The following ANO8 variants were observed in gnomAD, a reference collection of about 807,000 sequenced individuals.
ANO8 encodes the protein anoctamin-8.
ANO8 carries 67 observed loss-of-function variants against 120.4 expected under a neutral mutation model. That is an observed-to-expected ratio of 0.56 (90% confidence interval 0.46 to 0.68). ANO8 has a LOEUF of 0.68. Among genes scored for constraint, ANO8 ranks in the 30% least tolerant of loss-of-function variants. The pLI is 0.00. For missense variants in ANO8, 1,526 were observed against 1,737.6 expected (o/e 0.88, Z 2.16); for synonymous variants, 727 against 759.2 (o/e 0.96, Z 0.70).
intron 12 of ANO8, chr19:17,329,198 C>T (rs2074298702): frequency 2.1e-6 from 1 of 479,278 alleles, no homozygotes; most frequent in Non-Finnish European, 3.7e-6. Context: ...TCCTCGCCCA[C>T]CTCACGGGCA....
Position 17,327,581 on chromosome 19 carries a change from C to T in ANO8, c.2419-12G>A. The T allele has an allele frequency of 6.2e-7, 1 of 1,613,062 alleles. No homozygotes were observed. On this transcript the variant is annotated splice_polypyrimidine_tract_variant and intron_variant, in intron 14 of 17. Transcript: ENST00000159087. Reference sequence around the variant, plus strand: ...GCCTCCATCACCTTCTGCAGGGCGGCAGGAGGGCTCAGGCGGGGTCCAGCC... The same window carrying T: ...GCCTCCATCACCTTCTGCAGGGCGGTAGGAGGGCTCAGGCGGGGTCCAGCC...
intron 7 of ANO8, 38 bp from the exon 8 acceptor site, chr19:17,331,027 C>T: frequency 6.2e-7 from 1 of 1,613,790 alleles, no homozygotes; most frequent in Non-Finnish European, 8.5e-7. Context: ...ATTGTTTGTG[C>T]CAGTCCAGAA....
At chr19:17,332,820 A>C in intron 5 of ANO8, 110 bp downstream of exon 5, 1 of 1,259,732 alleles carries the variant, frequency 7.9e-7, no homozygotes, top group Non-Finnish European at 1.1e-6. Context: ...ACTCTTTGCC[A>C]ACCCCTGACT....
chr19:17,328,416 C>T lies in ANO8; in HGVS notation c.1972G>A (p.Glu658Lys), dbSNP rs1332192669. 3 of 1,575,448 alleles carry T rather than the reference C, an allele frequency of 1.9e-6. No homozygotes were observed. The highest frequency in any genetic ancestry group is 1.3e-5 in the African/African-American group (1 of 74,358). Residue 658 changes from glutamate (E) to lysine (K), a missense_variant, in exon 13 of 18, where the codon GAG (glutamate) becomes AAG (lysine). By Grantham distance (56) the Glu-to-Lys change is moderately conservative (BLOSUM62 1). Coordinates refer to ENST00000159087, the MANE Select transcript of ANO8 (RefSeq NM_020959.3). Reference protein sequence around the residue: ...GLEPGVFTLAEEDDEAEGAPG... With the variant: ...GLEPGVFTLAKEDDEAEGAPG... ...GCCCCCTCCGCCTCGTCGTCCTCCTCGGCCAGGGTGAACACTCCCGGCTCC... is the reference window on the plus strand; with the variant it reads ...GCCCCCTCCGCCTCGTCGTCCTCCTTGGCCAGGGTGAACACTCCCGGCTCC...
In ANO8 at chr19:17,334,549, G is replaced by A. The variant is rs1437922134; in HGVS notation, c.106+16C>T. On this transcript the variant is annotated intron_variant, in intron 1 of 17. Coordinates refer to ENST00000159087, the MANE Select transcript of ANO8 (RefSeq NM_020959.3). ...GGCACCTGCAACCCTGTCTGGTCCA[G>A]CCGCCGCACACATACCCAGAACTCC... 1 of 1,540,478 alleles carries A rather than the reference G, an allele frequency of 6.5e-7. No homozygotes were observed. The highest frequency in any genetic ancestry group is 1.2e-5 in the South Asian group (1 of 84,844).
chr19:17,328,302 C>T lies in ANO8; in HGVS notation c.2086G>A (p.Asp696Asn), dbSNP rs1218518469. Residue 696 changes from aspartate (D) to asparagine (N), a missense_variant, in exon 13 of 18, where the codon GAC (aspartate) becomes AAC (asparagine). By Grantham distance (23) the Asp-to-Asn change is conservative. Transcript: ENST00000159087. The part of the protein sequence containing the change: ...GRDQGPDGGP[D>N]PEPGSNSDST... ...TCGCTGTTGGAGCCGGGTTCCGGGT[C>T]CGGGCCCCCGTCGGGCCCCTGGTCT... 5 of 1,602,102 alleles carry T rather than the reference C, an allele frequency of 3.1e-6. No individual in the cohort carries two copies. The East Asian group carries it at 1.1e-4, about 36-fold the overall frequency.
chr19:17,332,909 T>C (rs1176085623), intron 5 of ANO8, 21 bp downstream of exon 5: 6 of 1,613,096 alleles, frequency 3.7e-6, no homozygotes, highest in African/African-American at 1.3e-5. Flanking sequence ...CTGTGATTGG[T>C]GTTGACCCCG....
Position 17,330,371 on chromosome 19 carries a change from A to G in ANO8, c.1127T>C (p.Leu376Pro). The G allele has an allele frequency of 6.3e-7, 1 of 1,596,610 alleles. No homozygotes were observed. Among genetic ancestry groups the G allele is most frequent in the Non-Finnish European group, 8.5e-7 (1 of 1,171,288 alleles). Residue 376 changes from leucine (L) to proline (P), a missense_variant, in exon 9 of 18, where the codon CTT becomes CCT. Leu to Pro is a moderately conservative substitution (Grantham distance 98). Around this residue, in one of 8 missense-constraint regions of ANO8, gnomAD observed 91 missense variants for 85.3 expected, o/e 1.07. Coordinates refer to ENST00000159087, the MANE Select transcript of ANO8 (RefSeq NM_020959.3). ...GGTCACCTGCAGCTGGAAGCAGCCA[A>G]GCATGAGCAAGAAGACACAGACGAG... is the stretch of plus-strand genomic sequence containing the variant. ...ACLVCVFLLM[L>P]GCFQLQELVL...
rs953096052 is a variant in ANO8, at chr19:17,330,313, G to A, written c.1146+39C>T. 8.7e-6 allele frequency: 14 copies of A among 1,612,294 alleles called. No homozygotes were observed. In the South Asian group the frequency reaches 1.1e-4, roughly 13 times the overall value. The stretch of plus-strand genomic sequence containing the variant: ...CAGGGCTCAGCCCAAGGTGGAGCTA[G>A]GTACCAAGGACAGGGCGGGTGAGGG... On this transcript the variant is annotated intron_variant, in intron 9 of 17. Coordinates refer to ENST00000159087, the MANE Select transcript of ANO8 (RefSeq NM_020959.3).
At position 17,328,547 on chromosome 19, in the gene ANO8, A is replaced by T. The variant is rs539903863; in HGVS notation, c.1841T>A (p.Leu614Gln). ...GCGCTCAGCGAAGCTGACCTTCTTC[A>T]GCCGGAGCCCGCAGTCCAGGAGGCC... is the stretch of plus-strand genomic sequence containing the variant. ...EGGLLDCGLRLKKVSFAERGA... is the reference protein window; with the variant it reads ...EGGLLDCGLRQKKVSFAERGA... The change falls in exon 13 of 18, where the codon CTG becomes CAG. Residue 614 changes from leucine (L) to glutamine (Q), a missense_variant. Physicochemically the swap from Leu to Gln is moderately radical, Grantham distance 113. This residue lies in a region of ANO8 where 467 missense variants were observed against 425.8 expected (regional missense o/e 1.10). Transcript: ENST00000159087. The T allele has an allele frequency of 6.5e-7, 1 of 1,548,524 alleles. No individual in the cohort carries two copies. Among genetic ancestry groups the T allele is most frequent in the Admixed American group, 2.0e-5 (1 of 51,060 alleles).
rs747949254 is a variant in ANO8, at chr19:17,333,850, C to T, written c.107-50G>A. 4 of 1,495,958 alleles carry T rather than the reference C, an allele frequency of 2.7e-6. No individual in the cohort carries two copies. Among genetic ancestry groups the T allele is most frequent in the African/African-American group, 1.4e-5 (1 of 71,926 alleles). The allele number at this position is 1,495,958 out of a possible 1,614,324, so 92.7% of individuals were successfully genotyped here. On this transcript the variant is annotated intron_variant, in intron 1 of 17. Coordinates refer to ENST00000159087, the MANE Select transcript of ANO8 (RefSeq NM_020959.3). The surrounding 1 kb of genome is among the most constrained non-coding windows in gnomAD (Gnocchi z 7.2). ...GGTCAGGCCACTCTGGGATCCGGAC[C>T]CGGCCTCCAGTCTTGGCTCCTCCTG...
intron 13 of ANO8, 41 bp downstream of exon 13, chr19:17,328,121 G>GGCGAGGCTCCGCCCCCT (rs1555724665): frequency 1.4e-6 from 2 of 1,436,458 alleles, no homozygotes; most frequent in Non-Finnish European, 1.9e-6. Flanking sequence ...TCCCGTCCCC[G>GGCGAGGCTCCGCCCCCT]GCGAGGCCCC....
At chr19:17,327,186 A>T in intron 16 of ANO8, 49 bp downstream of exon 16, 1 of 1,441,328 alleles carries the variant, frequency 6.9e-7, no homozygotes, top group East Asian at 2.5e-5. Context: ...TCAGAGATCC[A>T]CCAGCAGCCC....
In ANO8 at chr19:17,333,208, G is replaced by A. The variant is rs746597195; in HGVS notation, c.382C>T (p.Arg128Cys). ...LLRGADELGL[R>C]KAVKAEFGGG... is the part of the protein sequence containing the mutation. ...CCAAACTCGGCCTTCACTGCTTTGC[G>A]CAGACCCAGCTCGTCGGCCCCTCGG... Residue 128 changes from arginine to cysteine, a missense_variant, in exon 4 of 18, where the codon CGC becomes TGC. Physicochemically the swap from Arg to Cys is radical, Grantham distance 180 (BLOSUM62 -3). Transcript: ENST00000159087. The surrounding 1 kb of genome is among the most constrained non-coding windows in gnomAD (Gnocchi z 7.2). 2.5e-5 allele frequency: 40 copies of A among 1,610,330 alleles called. No homozygotes were observed. Among genetic ancestry groups the A allele is most frequent in the Middle Eastern group, 3.3e-4 (2 of 6,016 alleles).
intron 5 of ANO8, among the ~76,000 whole-genome samples, chr19:17,332,476 G>T (rs2074326424): frequency 6.6e-6 from 1 of 152,176 alleles, no homozygotes; most frequent in South Asian, 2.1e-4. Context: ...GTCGGAAGGT[G>T]AACTTGGGTG....
chr19:17,331,536 G>A, intron 5 of ANO8, 125 bp from the exon 6 acceptor site: 1 of 793,198 alleles, frequency 1.3e-6, no homozygotes, highest in Admixed American at 2.0e-5. Flanking sequence ...GCTCTTTCCA[G>A]GGGAGAAGTT....
rs1397914129 is a variant in ANO8 at position 17,324,774 on chromosome 19, C to G, written c.3274G>C (p.Val1092Leu). 6.4e-7 allele frequency: 1 copy of G among 1,557,650 alleles called. No individual in the cohort carries two copies. Among genetic ancestry groups the G allele is most frequent in the Non-Finnish European group, 8.7e-7 (1 of 1,152,802 alleles). The change falls in exon 17 of 18, where the codon GTG (valine) becomes CTG (leucine). Residue 1092 changes from valine to leucine, a missense_variant. Val to Leu is a conservative substitution (Grantham distance 32). Coordinates refer to ENST00000159087, the MANE Select transcript of ANO8 (RefSeq NM_020959.3). Reference sequence around the variant, plus strand: ...AGCTCCTCAGCCAGGGCCTCGTCCACCGGCCCACTCCTCTGAACCCGGCTG... The same window carrying G: ...AGCTCCTCAGCCAGGGCCTCGTCCAGCGGCCCACTCCTCTGAACCCGGCTG... ...GSSRVQRSGP[V>L]DEALAEELEA...
At chr19:17,326,996 G>A (rs1323444097) in intron 16 of ANO8, among the ~76,000 whole-genome samples, 1 of 152,132 alleles carries the variant, frequency 6.6e-6, no homozygotes, top group Non-Finnish European at 1.5e-5. Flanking sequence ...GTGCAGTGGC[G>A]CAATCATAGC....
At position 17,331,068 on chromosome 19, in the gene ANO8, G is replaced by T. The variant is rs753416575; in HGVS notation, c.831+20C>A. On this transcript the variant is annotated intron_variant, in intron 7 of 17. Coordinates refer to ENST00000159087, the MANE Select transcript of ANO8 (RefSeq NM_020959.3). ...GGCGCCTCTGGATCCCCCAGACCTT[G>T]CAGGGTCCCTGCCCAGTACCTGATC... The T allele has an allele frequency of 5.6e-6, 9 of 1,613,924 alleles. No individual in the cohort carries two copies. The Admixed American group carries it at 6.7e-5, about 12-fold the overall frequency.
Sources: allele counts gnomAD v4.1 joint callset (sites outside exome capture counted in the v4.1 genomes callset), GRCh38; gene constraint gnomAD v4.1.1; regional missense constraint gnomAD v4.1.1; non-coding constraint Gnocchi (gnomAD v3.1); transcripts MANE v1.5; gene names NCBI Gene and HGNC (gene_info 2026-07-23, HGNC 2026-07-21).